Variants in PARD3B observed in about 807,000 individuals in gnomAD.
PARD3B encodes par-3 family cell polarity regulator beta.
In PARD3B, 103 loss-of-function variants were observed where a neutral mutation model predicts 130.2. The ratio of observed to expected loss-of-function variants is 0.79; its 90% CI spans 0.67 to 0.93. The LOEUF (loss-of-function observed/expected upper bound fraction) is 0.93, where lower values mean the gene tolerates loss of function less well. Ranked by LOEUF, PARD3B falls within the 40% of genes least tolerant of loss-of-function variation. PARD3B has a pLI of 0.00. For synonymous variants in PARD3B, 583 were observed against 553.2 expected, an observed-to-expected ratio of 1.05 and a Z score of -0.76; for missense variants, 1,609 against 1,499.2, an observed-to-expected ratio of 1.07 and a Z score of -1.21.
intron 1 of PARD3B, among the ~76,000 whole-genome samples, chr2:204,633,093 A>G (rs909132043): frequency 1.3e-5 from 2 of 152,152 alleles, no homozygotes; most frequent in African/African-American, 4.8e-5. Context: ...TTGGATATAT[A>G]CCTAGCAGTG....
intron 20 of PARD3B, among the ~76,000 whole-genome samples, chr2:205,478,022 T>C (rs189206948): frequency 5.3e-4 from 80 of 152,342 alleles, no homozygotes; most frequent in African/African-American, 1.4e-3. Flanking sequence ...AGAGGTTTAA[T>C]TGGGGAAGCC....
chr2:205,601,407 C>A (rs1028940340), intron 22 of PARD3B, among the ~76,000 whole-genome samples: 1 of 152,078 alleles, frequency 6.6e-6, no homozygotes, highest in African/African-American at 2.4e-5. Flanking sequence ...AGACCTTTGT[C>A]AGATGAATAG....
At chr2:204,612,015 A>G (rs1309565593) in intron 1 of PARD3B, among the ~76,000 whole-genome samples, 2 of 152,182 alleles carry the variant, frequency 1.3e-5, no homozygotes. Context: ...CATCTGTTGC[A>G]TTTTAGACAG....
At chr2:205,236,385 G>GA (rs909123681) in intron 15 of PARD3B, among the ~76,000 whole-genome samples, 30 of 147,726 alleles carry the variant, frequency 2.0e-4, no homozygotes, top group African/African-American at 7.3e-4. Flanking sequence ...AAGGACATTA[G>GA]AAAAAAAAAT....
chr2:204,685,804 T>A (rs1378015544), intron 1 of PARD3B, among the ~76,000 whole-genome samples: 1 of 152,224 alleles, frequency 6.6e-6, no homozygotes, highest in Non-Finnish European at 1.5e-5. Context: ...CTTTGGAATC[T>A]GTTTGGACTT....
At chr2:205,153,024 C>T (rs1224353415) in intron 10 of PARD3B, among the ~76,000 whole-genome samples, 1 of 152,204 alleles carries the variant, frequency 6.6e-6, no homozygotes, top group Non-Finnish European at 1.5e-5. Context: ...CGCTCAGCTG[C>T]AGGTCTGTTA....
chr2:205,089,167 C>G (rs12998408), intron 4 of PARD3B, among the ~76,000 whole-genome samples: 4 of 120,148 alleles, frequency 3.3e-5, no homozygotes, highest in African/African-American at 9.6e-5. Context: ...TTCTTTTTTT[C>G]TTTTTTTGTT....
intron 20 of PARD3B, among the ~76,000 whole-genome samples, chr2:205,492,246 A>G (rs1454145646): frequency 6.6e-6 from 1 of 152,232 alleles, no homozygotes; most frequent in Non-Finnish European, 1.5e-5. Flanking sequence ...TGGACAGAAG[A>G]AGCCCTTAGA....
intron 10 of PARD3B, among the ~76,000 whole-genome samples, chr2:205,138,419 C>G (rs2032674467): frequency 6.6e-6 from 1 of 152,090 alleles, no homozygotes; most frequent in African/African-American, 2.4e-5. Flanking sequence ...CGTTCTTCTC[C>G]CACCTCACAT....
chr2:205,332,693 A>T (rs1305514321), intron 18 of PARD3B, among the ~76,000 whole-genome samples: 2 of 152,174 alleles, frequency 1.3e-5, no homozygotes, highest in Non-Finnish European at 1.5e-5. Flanking sequence ...TCTCTCCTTC[A>T]TCTGGATTAA....
intron 2 of PARD3B, among the ~76,000 whole-genome samples, chr2:204,688,099 G>C (rs1388166372): frequency 1.3e-5 from 2 of 152,030 alleles, no homozygotes; most frequent in Non-Finnish European, 2.9e-5. Flanking sequence ...TACTAAATAA[G>C]GTAAAAAAGT....
intron 20 of PARD3B, among the ~76,000 whole-genome samples, chr2:205,468,580 G>A (rs368116367): frequency 2.6e-5 from 4 of 152,164 alleles, no homozygotes; most frequent in African/African-American, 9.7e-5. Context: ...CAGAATCTGG[G>A]AGTCTTTCTT....
chr2:205,223,355 A>G (rs1921795), intron 15 of PARD3B, among the ~76,000 whole-genome samples: 84,455 of 152,042 alleles, frequency 0.56, 23,728 homozygotes, highest in Admixed American at 0.65. Flanking sequence ...TGATGTGGTA[A>G]ATAAGATGAG....
chr2:204,774,844 T>G (rs1171465806), intron 2 of PARD3B, among the ~76,000 whole-genome samples: 1 of 152,120 alleles, frequency 6.6e-6, no homozygotes, highest in East Asian at 1.9e-4. Flanking sequence ...AGTATTACTC[T>G]TCAGTTATTC....
Position 205,519,321 on chromosome 2 carries a change from A to G in PARD3B, c.3180+19290A>G, listed in dbSNP as rs545098698. ...TTTGTCTGACTGTCTTATTTCAAGA[A>G]TCAGTCTTCAAGCTCTGAGATTCTT... is the stretch of plus-strand genomic sequence containing the variant. On this transcript the variant is annotated intron_variant, in intron 21 of 22. Coordinates refer to ENST00000406610, the MANE Select transcript of PARD3B (RefSeq NM_001302769.2). 3.3e-5 allele frequency among the ~76,000 whole-genome samples: 5 copies of G among 152,330 alleles called. No homozygotes were observed. The South Asian group carries it at 1.0e-3, about 32-fold the overall frequency.
At chr2:205,419,407 A>C (rs527330777) in intron 19 of PARD3B, among the ~76,000 whole-genome samples, 1 of 152,306 alleles carries the variant, frequency 6.6e-6, no homozygotes, top group South Asian at 2.1e-4. Flanking sequence ...TAAATCACTC[A>C]GTCTTAGGTA....
intron 10 of PARD3B, among the ~76,000 whole-genome samples, chr2:205,156,010 C>G (rs565154400): frequency 3.3e-5 from 5 of 152,012 alleles, no homozygotes; most frequent in Non-Finnish European, 7.4e-5. Context: ...TTGGAACCAA[C>G]CCAAATGTCC....
intron 15 of PARD3B, among the ~76,000 whole-genome samples, chr2:205,222,695 A>G (rs1368131081): frequency 6.6e-6 from 1 of 152,224 alleles, no homozygotes; most frequent in African/African-American, 2.4e-5. Flanking sequence ...AATGAATATC[A>G]ATTTCTTGCT....
At chr2:205,088,673 C>T (rs1002266765) in intron 4 of PARD3B, among the ~76,000 whole-genome samples, 1 of 152,190 alleles carries the variant, frequency 6.6e-6, no homozygotes, top group Non-Finnish European at 1.5e-5. Flanking sequence ...ACACTGTCCC[C>T]TTTCTATTCC....
Sources: allele counts gnomAD v4.1 joint callset (sites outside exome capture counted in the v4.1 genomes callset), GRCh38; gene constraint gnomAD v4.1.1; transcripts MANE v1.5; gene names NCBI Gene and HGNC (gene_info 2026-07-23, HGNC 2026-07-21).